The following CDS1 variants were observed in gnomAD, a reference collection of about 807,000 sequenced individuals.
CDS1 encodes the protein phosphatidate cytidylyltransferase 1.
Under a neutral mutation model 62.1 loss-of-function variants are expected in CDS1, and 41 were observed. That is an observed-to-expected ratio of 0.66 (90% CI 0.51 to 0.86). The LOEUF is 0.86. Among genes scored for constraint, CDS1 ranks in the 40% least tolerant of loss-of-function variants. The pLI is 0.00. For missense variants in CDS1, 470 were observed against 550.1 expected, an observed-to-expected ratio of 0.85 and a Z score of 1.46; for synonymous variants, 185 against 192.6, an observed-to-expected ratio of 0.96 and a Z score of 0.32.
At chr4:84,595,210 T>G (rs193074718) in intron 1 of CDS1, among the ~76,000 whole-genome samples, 129 of 152,266 alleles carry the variant, frequency 8.5e-4, no homozygotes, top group Non-Finnish European at 1.7e-3. Flanking sequence ...GGAGCTGGTT[T>G]CTGCTTACTC....
At chr4:84,611,316 T>G (rs1244808325) in intron 3 of CDS1, among the ~76,000 whole-genome samples, 3 of 152,218 alleles carry the variant, frequency 2.0e-5, no homozygotes, top group Non-Finnish European at 2.9e-5. Context: ...TTATTGGTAT[T>G]ATCATTGTTA....
At chr4:84,605,503 T>C (rs1723067619) in intron 2 of CDS1, among the ~76,000 whole-genome samples, 1 of 152,152 alleles carries the variant, frequency 6.6e-6, no homozygotes, top group Admixed American at 6.5e-5. Flanking sequence ...AAGCAACATT[T>C]TCATATTTTT....
At chr4:84,590,594 A>G (rs1403732153) in intron 1 of CDS1, among the ~76,000 whole-genome samples, 1 of 152,324 alleles carries the variant, frequency 6.6e-6, no homozygotes, top group East Asian at 1.9e-4. Flanking sequence ...CTAAGGAAGA[A>G]GCTGAGGCAT....
At chr4:84,648,228 G>T (rs1040899321) in intron 12 of CDS1, among the ~76,000 whole-genome samples, 1 of 152,048 alleles carries the variant, frequency 6.6e-6, no homozygotes, top group African/African-American at 2.4e-5. Context: ...AATAGTTTTT[G>T]TGTCTCATTC....
chr4:84,627,366 A>G (rs1252313309), intron 5 of CDS1, among the ~76,000 whole-genome samples: 1 of 152,208 alleles, frequency 6.6e-6, no homozygotes, highest in East Asian at 1.9e-4. Context: ...AATGAGTTTG[A>G]CTGATAGCAG....
rs895916841 is a variant in CDS1, at chr4:84,631,958, G to A, written c.639+81G>A. ...TTTTTTTCTGTAGTGAGAAGATACA[G>A]TCGAATCTGCTAGCTGTTGTTTTGC... On this transcript the variant is annotated intron_variant, in intron 6 of 12. Coordinates refer to ENST00000295887, the MANE Select transcript of CDS1 (RefSeq NM_001263.4). 8.0e-6 allele frequency: 7 copies of A among 878,396 alleles called. No individual in the cohort carries two copies. In the Admixed American group the frequency reaches 1.1e-4, roughly 14 times the overall value. 54.4% of individuals were successfully genotyped at this position (878,396 alleles called of 1,614,324 possible).
intron 8 of CDS1, 69 bp from the exon 9 acceptor site, chr4:84,638,847 TTATATATA>T (rs3840105): frequency 6.7e-6 from 2 of 300,590 alleles, no homozygotes; most frequent in Non-Finnish European, 6.0e-6. Flanking sequence ...AGGAAATAGT[TTATATATA>T]TATATATATA....
intron 5 of CDS1, among the ~76,000 whole-genome samples, chr4:84,622,304 G>T (rs1250179435): frequency 6.6e-6 from 1 of 152,082 alleles, no homozygotes; most frequent in African/African-American, 2.4e-5. Context: ...TAAAACAACT[G>T]CGGGCCAGGT....
Position 84,604,299 on chromosome 4 carries a change from T to C in CDS1, c.174T>C (p.Ile58=), listed in dbSNP as rs746519351. Residue 58 remains isoleucine (I), a synonymous_variant, in exon 2 of 13, where the codon ATT becomes ATC. Transcript: ENST00000295887. Reference sequence around the variant, plus strand: ...TGGATTCCAGAACAGATTCTGATATTCCGGAAATTCCACCATCCTCAGATA... The same window carrying C: ...TGGATTCCAGAACAGATTCTGATATCCCGGAAATTCCACCATCCTCAGATA... ...GDLDSRTDSD[I]PEIPPSSDRT... is the part of the protein sequence containing the mutation. 1.5e-4 allele frequency: 235 copies of C among 1,611,996 alleles called. No homozygotes were observed. Among genetic ancestry groups the C allele is most frequent in the Non-Finnish European group, 1.9e-4 (228 of 1,178,268 alleles).
intron 3 of CDS1, among the ~76,000 whole-genome samples, chr4:84,612,833 CAAAAAT>C (rs920920766): frequency 9.9e-5 from 15 of 151,708 alleles, no homozygotes; most frequent in Middle Eastern, 3.4e-3. Flanking sequence ...TTTAAAAATA[CAAAAAT>C]TAGCCGGGTG....
chr4:84,625,187 A>G (rs1723817891), intron 5 of CDS1, among the ~76,000 whole-genome samples: 1 of 152,064 alleles, frequency 6.6e-6, no homozygotes, highest in African/African-American at 2.4e-5. Context: ...TTCTAACCGT[A>G]TACTTATTTC....
intron 10 of CDS1, 114 bp downstream of exon 10, chr4:84,641,104 T>C (rs1367710924): frequency 4.5e-6 from 3 of 667,088 alleles, no homozygotes; most frequent in African/African-American, 1.9e-5. Flanking sequence ...GAGACAGAGT[T>C]TCCCTCTGTT....
chr4:84,647,917 TG>T (rs2148662834), intron 12 of CDS1, among the ~76,000 whole-genome samples: 1 of 152,292 alleles, frequency 6.6e-6, no homozygotes, highest in Admixed American at 6.5e-5. Context: ...ATACATGACT[TG>T]TATGTTGCTT....
At chr4:84,624,381 C>T (rs967565065) in intron 5 of CDS1, among the ~76,000 whole-genome samples, 1 of 151,588 alleles carries the variant, frequency 6.6e-6, no homozygotes, top group Non-Finnish European at 1.5e-5. Flanking sequence ...ATGAAATCCT[C>T]CTCCACCTCA....
At chr4:84,593,133 C>T (rs181950552) in intron 1 of CDS1, among the ~76,000 whole-genome samples, 8 of 152,230 alleles carry the variant, frequency 5.3e-5, no homozygotes, top group East Asian at 1.9e-4. Context: ...GTTGAGGCTT[C>T]GAACAATTCT....
At chr4:84,639,748 A>G (rs1343482185) in intron 9 of CDS1, among the ~76,000 whole-genome samples, 1 of 152,154 alleles carries the variant, frequency 6.6e-6, no homozygotes, top group Non-Finnish European at 1.5e-5. Context: ...GAATATACAA[A>G]TAAATGGAAA....
rs142100640 is a variant in CDS1 at position 84,620,780 on chromosome 4, G to A, written c.580+1247G>A. The stretch of plus-strand genomic sequence containing the variant: ...GTTGAGTAAACAGTGAGATATTTGG[G>A]CTGGGCGTGGTGGCTCATGCCTGTA... On this transcript the variant is annotated intron_variant, in intron 5 of 12. Coordinates refer to ENST00000295887, the MANE Select transcript of CDS1 (RefSeq NM_001263.4). Among the ~76,000 whole-genome samples the A allele has an allele frequency of 1.1e-4, 16 of 152,162 alleles. No homozygotes were observed. In the East Asian group the frequency reaches 2.9e-3, roughly 28 times the overall value.
chr4:84,609,053 C>T (rs977900730), intron 2 of CDS1, among the ~76,000 whole-genome samples: 4 of 151,734 alleles, frequency 2.6e-5, no homozygotes, highest in Non-Finnish European at 5.9e-5. Flanking sequence ...GTGGCGGGCA[C>T]CTGTGGTCCC....
In CDS1 at chr4:84,634,650, T is replaced by G. The variant is rs150431743; in HGVS notation, c.723-614T>G. 1.7e-4 allele frequency among the ~76,000 whole-genome samples: 26 copies of G among 152,228 alleles called. No homozygotes were observed. The East Asian group carries it at 4.1e-3, about 24-fold the overall frequency. Reference sequence around the variant, plus strand: ...TGTCTTTTTACCAAGGGTGTGGTTGTGTCTTTGTGTGTGTGTGTCTCTGTG... The same window carrying G: ...TGTCTTTTTACCAAGGGTGTGGTTGGGTCTTTGTGTGTGTGTGTCTCTGTG... On this transcript the variant is annotated intron_variant, in intron 7 of 12. Transcript: ENST00000295887.
Sources: allele counts gnomAD v4.1 joint callset (sites outside exome capture counted in the v4.1 genomes callset), GRCh38; gene constraint gnomAD v4.1.1; transcripts MANE v1.5; gene names NCBI Gene and HGNC (gene_info 2026-07-23, HGNC 2026-07-21).